The following CD1B variants were observed in gnomAD, a reference collection of about 807,000 sequenced individuals.
CD1B encodes CD1b molecule, also known as T-cell surface glycoprotein CD1b.
A neutral mutation model predicts 39.8 loss-of-function variants in CD1B; 43 were observed. The observed-to-expected ratio is 1.08, with a 90% CI of 0.85 to 1.39. The LOEUF is 1.39. Among genes scored for constraint, CD1B ranks in the 40% most tolerant of loss-of-function variants. The probability of loss-of-function intolerance (pLI) is 0.00; values close to 1 mark genes in which losing one functional copy is unlikely to be tolerated. For missense variants in CD1B, 495 were observed against 403.8 expected (o/e 1.23, Z -1.94); for synonymous variants, 192 against 152.5 (o/e 1.26, Z -1.91).
chr1:158,323,044 G>T (rs1352054547), downstream of CD1B, among the ~76,000 whole-genome samples: 1 of 152,024 alleles, frequency 6.6e-6, no homozygotes, highest in Non-Finnish European at 1.5e-5. Context: ...TTCCAGGATT[G>T]TAAAATTTTC....
chr1:158,308,761 G>A, the CD1B span, among the ~76,000 whole-genome samples: 11 of 152,282 alleles, frequency 7.2e-5, no homozygotes, highest in East Asian at 1.7e-3. Context: ...ATGGTGCTGG[G>A]AAAACTGGTT....
the CD1B span, among the ~76,000 whole-genome samples, chr1:158,316,636 G>C: frequency 1.3e-4 from 19 of 150,668 alleles, no homozygotes; most frequent in Middle Eastern, 3.2e-3. Context: ...TTTCCTAATT[G>C]AATACCCTTT....
At chr1:158,299,966 T>A in the CD1B span, among the ~76,000 whole-genome samples, 1 of 152,156 alleles carries the variant, frequency 6.6e-6, no homozygotes, top group Non-Finnish European at 1.5e-5. Flanking sequence ...TTTTGAAGAT[T>A]TTTTTTGTGT....
At chr1:158,320,328 C>A in the CD1B span, among the ~76,000 whole-genome samples, 1 of 152,198 alleles carries the variant, frequency 6.6e-6, no homozygotes, top group Admixed American at 6.5e-5. Context: ...GGCGTAGGAC[C>A]CTCCGAAGCA....
downstream of CD1B, among the ~76,000 whole-genome samples, chr1:158,323,675 G>A (rs59429601): frequency 0.022 from 3,353 of 152,234 alleles, 121 homozygotes; most frequent in African/African-American, 0.076. Context: ...ATGTTAGATC[G>A]CATGACTGCT....
the CD1B span, among the ~76,000 whole-genome samples, chr1:158,296,909 T>A: frequency 2.0e-5 from 3 of 151,846 alleles, no homozygotes; most frequent in African/African-American, 4.8e-5. Flanking sequence ...GAAAAAATAA[T>A]ACAGAAGGAT....
the CD1B span, among the ~76,000 whole-genome samples, chr1:158,308,585 A>G: frequency 6.6e-6 from 1 of 152,232 alleles, no homozygotes; most frequent in Non-Finnish European, 1.5e-5. Context: ...AAACTATACT[A>G]CAAGGCTACA....
At chr1:158,286,298 C>T in the CD1B span, among the ~76,000 whole-genome samples, 3,100 of 152,250 alleles carry the variant, frequency 0.02, 47 homozygotes, top group South Asian at 0.042. Context: ...ACTTACTCCT[C>T]TCCCCATTGC....
chr1:158,319,788 G>T, the CD1B span, among the ~76,000 whole-genome samples: 3 of 152,124 alleles, frequency 2.0e-5, no homozygotes, highest in Admixed American at 1.3e-4. Context: ...CCCCATCTTT[G>T]TGGTTTTATC....
chr1:158,303,685 G>T, the CD1B span, among the ~76,000 whole-genome samples: 1 of 151,864 alleles, frequency 6.6e-6, no homozygotes, highest in African/African-American at 2.4e-5. Context: ...ATCACAAAAA[G>T]AATAAAATGC....
At chr1:158,330,636 A>G (rs751089383) in intron 2 of CD1B, 160 bp downstream of exon 2, 1 of 779,868 alleles carries the variant, frequency 1.3e-6, no homozygotes, top group Admixed American at 1.8e-5. Context: ...ATGAGGTGTG[A>G]TGGTGTGAAG....
At chr1:158,320,236 G>T in the CD1B span, among the ~76,000 whole-genome samples, 1 of 152,210 alleles carries the variant, frequency 6.6e-6, no homozygotes, top group Admixed American at 6.5e-5. Flanking sequence ...CCTGGGCAAT[G>T]GTGGGCGCCC....
chr1:158,330,716 A>G (rs1557822699), intron 2 of CD1B, 80 bp downstream of exon 2: 2 of 1,376,726 alleles, frequency 1.5e-6, no homozygotes, highest in Admixed American at 1.7e-5. Flanking sequence ...AGGGAGAAGC[A>G]TCAGAGAGAG....
Position 158,328,911 on chromosome 1 carries a change from C to A in CD1B, c.980+10G>T. The A allele has an allele frequency of 1.3e-6, 2 of 1,585,410 alleles. No individual in the cohort carries two copies. The highest frequency in any genetic ancestry group is 1.2e-5 in the South Asian group (1 of 85,800). On this transcript the variant is annotated intron_variant, in intron 5 of 5. Coordinates refer to ENST00000368168, the MANE Select transcript of CD1B (RefSeq NM_001764.3). Reference sequence around the variant, plus strand: ...TATTAAAAAAAAAAACAACACCACCCACAACTCACCGGCGCCTCATATACC... The same window carrying A: ...TATTAAAAAAAAAAACAACACCACCAACAACTCACCGGCGCCTCATATACC...
chr1:158,320,033 C>T, the CD1B span, among the ~76,000 whole-genome samples: 34 of 152,342 alleles, frequency 2.2e-4, no homozygotes, highest in Admixed American at 9.8e-4. Flanking sequence ...AGATCTCCAG[C>T]TGCGTACTGG....
chr1:158,331,400 C>A lies in CD1B; in HGVS notation c.24G>T (p.Leu8=). MLLLPFQ[L]LAVLFPGGNS... is the part of the protein sequence containing the mutation. ...TACCACCAGGAAAGAGAACAGCTAACAGTTGAAATGGCAGCAGCAGCATTT... is the reference window on the plus strand; with the variant it reads ...TACCACCAGGAAAGAGAACAGCTAAAAGTTGAAATGGCAGCAGCAGCATTT... The change falls in exon 1 of 6, where the codon CTG becomes CTT. Residue 8 remains leucine (L), a synonymous_variant. Coordinates refer to ENST00000368168, the MANE Select transcript of CD1B (RefSeq NM_001764.3). 2 of 1,614,056 alleles carry A rather than the reference C, an allele frequency of 1.2e-6. No homozygotes were observed. The highest frequency in any genetic ancestry group is 1.6e-4 in the Middle Eastern group (1 of 6,062).
the CD1B span, chr1:158,291,223 G>C: frequency 1.2e-6 from 2 of 1,613,934 alleles, no homozygotes; most frequent in African/African-American, 1.3e-5. Flanking sequence ...AGGATGGCTG[G>C]ACGAGTTGCA....
the CD1B span, among the ~76,000 whole-genome samples, chr1:158,289,300 T>C: frequency 2.0e-5 from 3 of 152,226 alleles, no homozygotes; most frequent in African/African-American, 7.2e-5. Context: ...GTATCAACCA[T>C]GTACTATGTA....
chr1:158,328,439 G>A (rs949864171), intron 5 of CD1B, among the ~76,000 whole-genome samples, 182 bp from the exon 6 acceptor site: 3 of 152,130 alleles, frequency 2.0e-5, no homozygotes, highest in African/African-American at 7.2e-5. Context: ...AAAAAAGGAA[G>A]GAAGCCCTTT....
Sources: allele counts gnomAD v4.1 joint callset (sites outside exome capture counted in the v4.1 genomes callset), GRCh38; gene constraint gnomAD v4.1.1; transcripts MANE v1.5; gene names NCBI Gene and HGNC (gene_info 2026-07-23, HGNC 2026-07-21).